DCDC1: variants seen among roughly 807,000 people sequenced by gnomAD.
DCDC1 encodes the protein doublecortin domain-containing protein 1.
Under a neutral mutation model 178.3 loss-of-function variants are expected in DCDC1, and 200 were observed. The observed-to-expected ratio is 1.12, with a 90% CI of 1.00 to 1.26. The LOEUF is 1.26. Among genes scored for constraint, DCDC1 ranks in the 50% most tolerant of loss-of-function variants. DCDC1 has a pLI of 0.00. For synonymous variants in DCDC1, 690 were observed against 604.8 expected, an observed-to-expected ratio of 1.14 and a Z score of -2.07; for missense variants, 1,983 against 1,749.2, an observed-to-expected ratio of 1.13 and a Z score of -2.38.
intron 20 of DCDC1, among the ~76,000 whole-genome samples, chr11:31,009,275 T>C (rs535122787): frequency 3.7e-4 from 56 of 152,268 alleles, no homozygotes; most frequent in African/African-American, 1.3e-3. Context: ...ATATCCAAGG[T>C]CATTCATTCT....
intron 8 of DCDC1, among the ~76,000 whole-genome samples, chr11:31,244,202 CA>C (rs1977543869): frequency 2.6e-5 from 4 of 151,726 alleles, no homozygotes; most frequent in Admixed American, 2.0e-4. Flanking sequence ...CGGCCTAAAA[CA>C]TACTTTTAAA....
intron 7 of DCDC1, among the ~76,000 whole-genome samples, chr11:31,265,920 AAATATCTATTATTT>A (rs1393158823): frequency 4.3e-4 from 64 of 149,094 alleles, no homozygotes; most frequent in African/African-American, 1.5e-3. Context: ...ATTATCTATT[AAATATCTATTATTT>A]AATATCTATT....
intron 8 of DCDC1, among the ~76,000 whole-genome samples, chr11:31,244,084 C>T (rs991172313): frequency 1.3e-5 from 2 of 151,594 alleles, no homozygotes; most frequent in African/African-American, 2.4e-5. Context: ...GAAAATGATA[C>T]GCCTAAGTAC....
intron 20 of DCDC1, among the ~76,000 whole-genome samples, chr11:30,958,916 G>T (rs1175248847): frequency 1.3e-5 from 2 of 152,058 alleles, no homozygotes; most frequent in Admixed American, 1.3e-4. Flanking sequence ...GGGGACCTTG[G>T]GGACATTTGG....
chr11:31,228,807 T>G (rs543509557), intron 9 of DCDC1, among the ~76,000 whole-genome samples: 2 of 152,170 alleles, frequency 1.3e-5, no homozygotes, highest in African/African-American at 4.8e-5. Flanking sequence ...ACAAATTCCT[T>G]CAAAGATCAT....
At chr11:31,216,790 C>T (rs1973629923) in intron 9 of DCDC1, among the ~76,000 whole-genome samples, 1 of 152,104 alleles carries the variant, frequency 6.6e-6, no homozygotes, top group Non-Finnish European at 1.5e-5. Context: ...AAAGATCTCC[C>T]TCATTTTCCC....
At chr11:31,328,026 G>A (rs555575525) in intron 3 of DCDC1, 91 bp downstream of exon 3, 127 of 1,361,616 alleles carry the variant, frequency 9.3e-5, no homozygotes, top group Middle Eastern at 8.3e-4. Context: ...CACCTGGCCC[G>A]GCCAAGACTG....
rs548160325 is a variant in DCDC1 at position 31,342,842 on chromosome 11, C to T, written c.-124-7278G>A. Among the ~76,000 whole-genome samples, 4 of 152,206 alleles carry T rather than the reference C, an allele frequency of 2.6e-5. No homozygotes were observed. In the South Asian group the frequency reaches 8.3e-4, roughly 32 times the overall value. ...AAAACGAAATTTGAATATAACTATT[C>T]AAAAATAACCTGAAGAAAACAGAAA... On this transcript the variant is annotated intron_variant, in intron 1 of 38. Transcript: ENST00000684477.
intron 18 of DCDC1, among the ~76,000 whole-genome samples, chr11:31,068,984 T>A (rs1265477214): frequency 2.6e-5 from 4 of 152,090 alleles, no homozygotes; most frequent in Non-Finnish European, 5.9e-5. Flanking sequence ...CCCGAGTAGC[T>A]GGGACTACAG....
intron 9 of DCDC1, among the ~76,000 whole-genome samples, chr11:31,146,074 T>TG: frequency 1.2e-5 from 1 of 80,038 alleles, no homozygotes; most frequent in East Asian, 4.3e-4. Context: ...TAATCCAGTC[T>TG]TTTTTTTTTT....
intron 17 of DCDC1, among the ~76,000 whole-genome samples, chr11:31,081,309 T>C (rs1444511517): frequency 6.6e-6 from 1 of 152,038 alleles, no homozygotes; most frequent in Non-Finnish European, 1.5e-5. Flanking sequence ...TACACATTTG[T>C]TAAGAAAAAA....
chr11:31,136,223 C>CAA (rs1963116730), intron 10 of DCDC1, among the ~76,000 whole-genome samples: 1 of 152,018 alleles, frequency 6.6e-6, no homozygotes, highest in Non-Finnish European at 1.5e-5. Context: ...TTCAAACACA[C>CAA]AGAGAATGAT....
At chr11:31,335,693 C>A (rs1298390104) in intron 1 of DCDC1, 129 bp from the exon 2 acceptor site, 1 of 152,124 alleles carries the variant, frequency 6.6e-6, no homozygotes, top group Non-Finnish European at 1.5e-5. Flanking sequence ...CACCAGAGAC[C>A]AGTTTCATGG....
In DCDC1 at chr11:31,365,399, C is replaced by T. The variant is rs866871587; in HGVS notation, c.-125+4298G>A. On this transcript the variant is annotated intron_variant, in intron 1 of 38. Coordinates refer to ENST00000684477, the MANE Select transcript of DCDC1 (RefSeq NM_001387274.1). ...AGCTTAGTTCACTGGTATAAAAATC[C>T]TAAAATTCAGAAATAAAAATCAAGG... Among the ~76,000 whole-genome samples, 3 of 151,996 alleles carry T rather than the reference C, an allele frequency of 2.0e-5. No individual in the cohort carries two copies. The South Asian group carries it at 6.2e-4, about 32-fold the overall frequency.
chr11:30,926,516 T>C (rs534607136), intron 22 of DCDC1, among the ~76,000 whole-genome samples: 3 of 152,090 alleles, frequency 2.0e-5, no homozygotes, highest in East Asian at 3.9e-4. Context: ...CAGATGTAAA[T>C]AGATGGAATT....
intron 38 of DCDC1, among the ~76,000 whole-genome samples, chr11:30,868,846 C>G (rs1000476089): frequency 2.0e-5 from 3 of 152,230 alleles, no homozygotes; most frequent in African/African-American, 7.2e-5. Flanking sequence ...TCACAGCAAT[C>G]TAACCTGGGA....
chr11:30,964,466 A>G (rs1382364483), intron 20 of DCDC1, among the ~76,000 whole-genome samples: 1 of 152,088 alleles, frequency 6.6e-6, no homozygotes, highest in African/African-American at 2.4e-5. Flanking sequence ...CCTTAACACC[A>G]TGATGCAATG....
chr11:31,207,047 T>C (rs753222105), intron 9 of DCDC1, among the ~76,000 whole-genome samples: 73 of 152,340 alleles, frequency 4.8e-4, no homozygotes, highest in Non-Finnish European at 9.9e-4. Context: ...GATTTAGTAC[T>C]ACATATTTTT....
chr11:31,252,599 C>A (rs1005337860), intron 8 of DCDC1, among the ~76,000 whole-genome samples: 1 of 151,686 alleles, frequency 6.6e-6, no homozygotes, highest in African/African-American at 2.4e-5. Context: ...CAATTTAGGG[C>A]CCCACAAAGA....
Sources: gnomAD v4.1 joint callset for allele counts (sites outside exome capture counted in the v4.1 genomes callset) on GRCh38, gnomAD v4.1.1 for gene constraint, MANE v1.5 for transcripts, NCBI Gene and HGNC (gene_info 2026-07-23, HGNC 2026-07-21) for gene names.